PDZD2: variants seen among roughly 807,000 people sequenced by gnomAD.
The protein encoded by PDZD2 is PDZ domain containing 2.
A neutral mutation model predicts 220.7 loss-of-function variants in PDZD2; 90 were observed. The ratio of observed to expected loss-of-function variants is 0.41; its 90% CI spans 0.34 to 0.49. The LOEUF (loss-of-function observed/expected upper bound fraction) is 0.49. Ranked by LOEUF, PDZD2 falls within the 20% of genes least tolerant of loss-of-function variation. The pLI is 0.28. For missense variants in PDZD2, 3,174 were observed against 3,608.5 expected, an observed-to-expected ratio of 0.88 and a Z score of 3.08; for synonymous variants, 1,375 against 1,450.5, an observed-to-expected ratio of 0.95 and a Z score of 1.18.
intron 2 of PDZD2, among the ~76,000 whole-genome samples, chr5:31,865,397 C>T (rs894666514): frequency 2.0e-5 from 3 of 151,934 alleles, no homozygotes; most frequent in African/African-American, 7.3e-5. Flanking sequence ...ACTGCAGCCT[C>T]GACCTCTCAG....
intron 2 of PDZD2, among the ~76,000 whole-genome samples, chr5:31,948,228 C>T (rs912231645): frequency 6.2e-4 from 94 of 152,226 alleles, no homozygotes; most frequent in African/African-American, 2.1e-3. Context: ...CTCCAGAGTT[C>T]GGAGTTGTTT....
At chr5:32,100,555 C>T in intron 23 of PDZD2, 1 of 330,488 alleles carries the variant, frequency 3.0e-6, no homozygotes, top group Non-Finnish European at 5.9e-6. Flanking sequence ...GGCAGGGTTT[C>T]CCTTTGCAGG....
intron 2 of PDZD2, among the ~76,000 whole-genome samples, chr5:31,804,996 C>T (rs1195652074): frequency 6.6e-6 from 1 of 152,152 alleles, no homozygotes; most frequent in Non-Finnish European, 1.5e-5. Context: ...GAGTTTGAGA[C>T]CAGCCTGGCC....
At chr5:31,838,095 G>A (rs1282282410) in intron 2 of PDZD2, among the ~76,000 whole-genome samples, 1 of 151,986 alleles carries the variant, frequency 6.6e-6, no homozygotes, top group African/African-American at 2.4e-5. Flanking sequence ...TGGACCCCAG[G>A]GTCCACTGTT....
intron 1 of PDZD2, among the ~76,000 whole-genome samples, chr5:31,782,707 A>ATTTTT (rs34166035): frequency 8.3e-5 from 8 of 96,514 alleles, no homozygotes; most frequent in African/African-American, 1.2e-4. Flanking sequence ...ACCACTTTAG[A>ATTTTT]TTTTTTTTTT....
intron 2 of PDZD2, among the ~76,000 whole-genome samples, chr5:31,882,821 G>A (rs1220038349): frequency 6.6e-6 from 1 of 151,934 alleles, no homozygotes; most frequent in Middle Eastern, 3.2e-3. Context: ...TTGAGGCCAG[G>A]AGTTGGAGAC....
At chr5:31,916,586 A>G (rs1743700977) in intron 2 of PDZD2, among the ~76,000 whole-genome samples, 1 of 152,212 alleles carries the variant, frequency 6.6e-6, no homozygotes. Context: ...AGGTGCATCT[A>G]TTTTTAGATT....
intron 1 of PDZD2, among the ~76,000 whole-genome samples, chr5:31,723,570 G>A (rs1204189212): frequency 6.6e-6 from 1 of 151,984 alleles, no homozygotes; most frequent in Non-Finnish European, 1.5e-5. Context: ...GAATCACCTA[G>A]AGTGAGAGTG....
In PDZD2 at chr5:32,108,220, C is replaced by CCAA. The variant is rs1226359323; in HGVS notation, c.*88_*90dup. ...TTTAAACCACAGGTTGTTGAAATGG[C>CCAA]CAACACTGGTACAGACACGGACTAT... On this transcript the variant is annotated 3_prime_UTR_variant, in exon 25 of 25. Transcript: ENST00000438447. 3 of 856,374 alleles carry CCAA rather than the reference C, an allele frequency of 3.5e-6. No homozygotes were observed. The highest frequency in any genetic ancestry group is 2.4e-5 in the Admixed American group (1 of 40,854). 53.0% of individuals were successfully genotyped at this position (856,374 alleles called of 1,614,324 possible).
In PDZD2 at chr5:31,639,310, CT is replaced by C. The variant is rs1744843340; in HGVS notation, c.-487del. 6.7e-6 allele frequency: 1 copy of C among 149,974 alleles called. No individual in the cohort carries two copies. Among genetic ancestry groups the C allele is most frequent in the African/African-American group, 2.4e-5 (1 of 41,214 alleles). 9.3% of individuals were successfully genotyped at this position (149,974 alleles called of 1,614,324 possible). ...CTGCCGGCGAACCGCGGCTCTGCAG[CT>C]CGGGGCAGGCGCGGCGGCGGCACCG... is the stretch of plus-strand genomic sequence containing the variant. On this transcript the variant is annotated 5_prime_UTR_variant, in exon 1 of 25. Transcript: ENST00000438447. The surrounding 1 kb of genome is among the most constrained non-coding windows in gnomAD (Gnocchi z 4.1).
At chr5:32,024,698 G>GA (rs5867124) in intron 6 of PDZD2, among the ~76,000 whole-genome samples, 30 of 141,370 alleles carry the variant, frequency 2.1e-4, no homozygotes, top group Admixed American at 8.6e-4. Flanking sequence ...AAAAAAGAAA[G>GA]AAAAAAAAGA....
intron 6 of PDZD2, among the ~76,000 whole-genome samples, chr5:32,012,510 A>T (rs2112092511): frequency 6.6e-6 from 1 of 152,084 alleles, no homozygotes; most frequent in East Asian, 1.9e-4. Flanking sequence ...CAGCCTCCCG[A>T]GTAGCTGGGA....
rs1031716529 is a variant in PDZD2 at position 32,088,507 on chromosome 5, A to G, written c.5059A>G (p.Asn1687Asp). The G allele has an allele frequency of 6.2e-7, 1 of 1,614,156 alleles. No homozygotes were observed. The highest frequency in any genetic ancestry group is 1.3e-5 in the African/African-American group (1 of 75,044). Residue 1687 changes from asparagine to aspartate, a missense_variant, in exon 20 of 25, where the codon AAC (asparagine) becomes GAC (aspartate). Asn to Asp is a conservative substitution (Grantham distance 23). Coordinates refer to ENST00000438447, the MANE Select transcript of PDZD2 (RefSeq NM_178140.4). The surrounding 1 kb of genome is among the most constrained non-coding windows in gnomAD (Gnocchi z 4.6). ...TCATGCGGACATAAGCACTTCACAG[A>G]ACCACAGGCCCTCGTGTGCAGAAGA... Reference protein sequence around the residue: ...ETHADISTSQNHRPSCAEETT... With the variant: ...ETHADISTSQDHRPSCAEETT...
rs996944056 is a variant in PDZD2, at chr5:31,920,113, G to A, written c.477-63042G>A. The stretch of plus-strand genomic sequence containing the variant: ...AGCCTGGGCAACGTGACAAAACCAC[G>A]TCTCTACCAGAAATACAAAAGTTAG... On this transcript the variant is annotated intron_variant, in intron 2 of 24. Transcript: ENST00000438447. 2.6e-5 allele frequency among the ~76,000 whole-genome samples: 4 copies of A among 151,442 alleles called. No individual in the cohort carries two copies. In the South Asian group the frequency reaches 6.3e-4, roughly 24 times the overall value.
At chr5:32,038,708 G>A (rs1439042819) in intron 7 of PDZD2, among the ~76,000 whole-genome samples, 1 of 152,138 alleles carries the variant, frequency 6.6e-6, no homozygotes, top group Non-Finnish European at 1.5e-5. Flanking sequence ...GGCTTAGTGG[G>A]AAAGTCAGCC....
At chr5:31,723,470 C>G (rs2150149493) in intron 1 of PDZD2, among the ~76,000 whole-genome samples, 1 of 152,220 alleles carries the variant, frequency 6.6e-6, no homozygotes, top group South Asian at 2.1e-4. Context: ...TCAGGTATTA[C>G]ACTGATAACC....
chr5:32,027,696 T>G (rs992577043), intron 6 of PDZD2, among the ~76,000 whole-genome samples: 7 of 152,192 alleles, frequency 4.6e-5, no homozygotes, highest in African/African-American at 1.4e-4. Flanking sequence ...AAGCAGCGGG[T>G]CGAGTGTAGC....
chr5:31,743,572 A>T (rs1325611336), intron 1 of PDZD2, among the ~76,000 whole-genome samples: 1 of 152,134 alleles, frequency 6.6e-6, no homozygotes, highest in Non-Finnish European at 1.5e-5. Flanking sequence ...ATAATAAATA[A>T]ATTGCTCATG....
At chr5:31,984,787 C>T (rs1750585992) in intron 3 of PDZD2, among the ~76,000 whole-genome samples, 1 of 152,102 alleles carries the variant, frequency 6.6e-6, no homozygotes, top group African/African-American at 2.4e-5. Context: ...AAGATTCTAC[C>T]ACTGCTCTTC....
Sources: gnomAD v4.1 joint callset for allele counts (sites outside exome capture counted in the v4.1 genomes callset) on GRCh38, gnomAD v4.1.1 for gene constraint, Gnocchi (gnomAD v3.1) non-coding constraint, MANE v1.5 for transcripts, NCBI Gene and HGNC (gene_info 2026-07-23, HGNC 2026-07-21) for gene names.